Variants in PALS2 observed in about 807,000 individuals in gnomAD.
The protein encoded by PALS2 is protein PALS2.
PALS2 carries 27 observed loss-of-function variants against 61.6 expected under a neutral mutation model. The observed-to-expected ratio is 0.44, with a 90% CI of 0.32 to 0.60. The LOEUF (loss-of-function observed/expected upper bound fraction) is 0.60. Ranked by LOEUF, PALS2 falls within the 20% of genes least tolerant of loss-of-function variation. The pLI is 0.05. For synonymous variants in PALS2, 236 were observed against 218.6 expected (o/e 1.08, Z -0.70); for missense variants, 554 against 639.4 (o/e 0.87, Z 1.44).
At chr7:24,648,795 CT>C (rs1785980397) in intron 3 of PALS2, among the ~76,000 whole-genome samples, 3 of 151,196 alleles carry the variant, frequency 2.0e-5, no homozygotes, top group African/African-American at 7.3e-5. Context: ...GTCCCAGCTA[CT>C]TGGGAGGCTG....
chr7:24,644,750 T>C (rs1785744122), intron 3 of PALS2, among the ~76,000 whole-genome samples: 1 of 152,262 alleles, frequency 6.6e-6, no homozygotes, highest in South Asian at 2.1e-4. Context: ...TGAGCTAATA[T>C]ACATTCCCAC....
rs1787774260 is a variant in PALS2, at chr7:24,679,022, A to G, written c.1115-109A>G. ...AGCAGATCAGATCTGGTCATAGCCTACAGTTTGCTGCACCCAGTGGAAAAA... is the reference window on the plus strand; with the variant it reads ...AGCAGATCAGATCTGGTCATAGCCTGCAGTTTGCTGCACCCAGTGGAAAAA... On this transcript the variant is annotated intron_variant, in intron 9 of 11. Coordinates refer to ENST00000222644, the MANE Select transcript of PALS2 (RefSeq NM_001303037.2). 1.9e-5 allele frequency: 16 copies of G among 856,076 alleles called. 1 individual carries two copies. The South Asian group carries it at 2.6e-4, about 14-fold the overall frequency. 53.0% of individuals were successfully genotyped at this position (856,076 alleles called of 1,614,324 possible).
At chr7:24,656,895 G>A (rs1400744816) in intron 5 of PALS2, among the ~76,000 whole-genome samples, 2 of 151,976 alleles carry the variant, frequency 1.3e-5, no homozygotes, top group Non-Finnish European at 2.9e-5. Context: ...TACCACCCCT[G>A]ACTCCAGGCA....
intron 9 of PALS2, 81 bp downstream of exon 9, chr7:24,668,741 T>C (rs1583982465): frequency 1.4e-6 from 2 of 1,480,690 alleles, no homozygotes; most frequent in East Asian, 2.3e-5. Flanking sequence ...TTATTATCAT[T>C]AGTTATTGTT....
intron 1 of PALS2, chr7:24,620,167 A>G (rs1433143054): frequency 2.6e-5 from 4 of 152,232 alleles, no homozygotes; most frequent in Non-Finnish European, 1.5e-5. Context: ...GCTAAACAGC[A>G]GGAGAGATTT....
chr7:24,594,587 G>A (rs1783428288), intron 1 of PALS2, among the ~76,000 whole-genome samples: 1 of 151,980 alleles, frequency 6.6e-6, no homozygotes, highest in Admixed American at 6.6e-5. Context: ...TATGTCTCAG[G>A]GATTAAGGAG....
rs1452850072 is a variant in PALS2 at position 24,649,649 on chromosome 7, G to C, written c.308G>C (p.Cys103Ser). 6.2e-7 allele frequency: 1 copy of C among 1,611,506 alleles called. No homozygotes were observed. Among genetic ancestry groups the C allele is most frequent in the East Asian group, 2.2e-5 (1 of 44,648 alleles). The change falls in exon 4 of 12, where the codon TGT (cysteine) becomes TCT (serine). Residue 103 changes from cysteine (C) to serine (S), a missense_variant. Coordinates refer to ENST00000222644, the MANE Select transcript of PALS2 (RefSeq NM_001303037.2). ...GCCCATGATATTGTGGCATCAAAGT[G>C]TTATGATTCACCTCCATCAAGCCCA... is the stretch of plus-strand genomic sequence containing the variant. ...LEAHDIVASK[C>S]YDSPPSSPEM...
Position 24,650,651 on chromosome 7 carries a change from T to C in PALS2, c.590T>C (p.Ile197Thr), listed in dbSNP as rs935708647. Residue 197 changes from isoleucine (I) to threonine (T), a missense_variant, in exon 5 of 12, where the codon ATT becomes ACT. By Grantham distance (89) the Ile-to-Thr change is moderately conservative. Coordinates refer to ENST00000222644, the MANE Select transcript of PALS2 (RefSeq NM_001303037.2). Reference sequence around the variant, plus strand: ...GAATTACAAGAATTACTGAAAAATATTAGTGGAAGTGTCACCCTAAAAATC... The same window carrying C: ...GAATTACAAGAATTACTGAAAAATACTAGTGGAAGTGTCACCCTAAAAATC... ...PKELQELLKN[I>T]SGSVTLKILP... The C allele has an allele frequency of 1.9e-6, 3 of 1,612,034 alleles. No homozygotes were observed. The highest frequency in any genetic ancestry group is 1.7e-4 in the Middle Eastern group (1 of 6,058).
At chr7:24,636,549 G>T (rs563470073) in intron 2 of PALS2, among the ~76,000 whole-genome samples, 1 of 152,010 alleles carries the variant, frequency 6.6e-6, no homozygotes, top group African/African-American at 2.4e-5. Flanking sequence ...GCATCCCAAC[G>T]AAATAAATAT....
chr7:24,617,065 A>C (rs1784318811), intron 1 of PALS2, among the ~76,000 whole-genome samples: 1 of 152,074 alleles, frequency 6.6e-6, no homozygotes, highest in East Asian at 1.9e-4. Flanking sequence ...TTCACTTAAT[A>C]GTATTCTTTA....
At chr7:24,609,229 C>A (rs1784029202) in intron 1 of PALS2, among the ~76,000 whole-genome samples, 1 of 152,062 alleles carries the variant, frequency 6.6e-6, no homozygotes, top group African/African-American at 2.4e-5. Context: ...ATGAGGATTT[C>A]CTCTGTATTT....
rs144764953 is a variant in PALS2 at position 24,601,294 on chromosome 7, T to C, written c.-2-22372T>C. Among the ~76,000 whole-genome samples, 48 of 152,330 alleles carry C rather than the reference T, an allele frequency of 3.2e-4. 1 individual carries two copies. The East Asian group carries it at 9.2e-3, about 29-fold the overall frequency. ...TTGTAGTTGCTATTCTCTATTCCTG[T>C]ATTTTCATTTTCTCAGACTTCATTT... On this transcript the variant is annotated intron_variant, in intron 1 of 11. Coordinates refer to ENST00000222644, the MANE Select transcript of PALS2 (RefSeq NM_001303037.2).
Position 24,668,518 on chromosome 7 carries a change from C to G in PALS2, c.972C>G (p.Ile324Met). 1 of 1,612,340 alleles carries G rather than the reference C, an allele frequency of 6.2e-7. No individual in the cohort carries two copies. Among genetic ancestry groups the G allele is most frequent in the Non-Finnish European group, 8.5e-7 (1 of 1,179,268 alleles). Residue 324 changes from isoleucine to methionine, a missense_variant, in exon 9 of 12, where the codon ATC becomes ATG. Coordinates refer to ENST00000222644, the MANE Select transcript of PALS2 (RefSeq NM_001303037.2). ...TRNAEFDRHE[I>M]QIYEEVAKMP... ...ATTTAGAATTTGATCGTCATGAAAT[C>G]CAGATATATGAGGAGGTAGCCAAAA...
At chr7:24,597,784 A>G (rs913566245) in intron 1 of PALS2, among the ~76,000 whole-genome samples, 1 of 152,192 alleles carries the variant, frequency 6.6e-6, no homozygotes, top group Non-Finnish European at 1.5e-5. Context: ...TCAGTAAATC[A>G]TAGGTGATAA....
At chr7:24,657,992 T>TA (rs1786511813) in intron 5 of PALS2, among the ~76,000 whole-genome samples, 2 of 148,064 alleles carry the variant, frequency 1.4e-5, no homozygotes, top group African/African-American at 5.2e-5. Flanking sequence ...ACTTTGACAA[T>TA]AATTTCTTCA....
chr7:24,628,846 C>T (rs112025415), intron 2 of PALS2, among the ~76,000 whole-genome samples: 10 of 152,062 alleles, frequency 6.6e-5, no homozygotes, highest in African/African-American at 2.4e-4. Context: ...AATAAGGACA[C>T]AAACAAATGG....
chr7:24,598,393 A>G (rs927592127), intron 1 of PALS2, among the ~76,000 whole-genome samples: 1 of 152,216 alleles, frequency 6.6e-6, no homozygotes, highest in Non-Finnish European at 1.5e-5. Flanking sequence ...AGGGCTAACA[A>G]GGATATCCAG....
At chr7:24,655,695 GGCGTGATCTTGGCTCACTGCAGCA>G (rs1294882026) in intron 5 of PALS2, among the ~76,000 whole-genome samples, 8 of 140,456 alleles carry the variant, frequency 5.7e-5, no homozygotes, top group East Asian at 2.1e-4. Context: ...GGAGTGCAGT[GGCGTGATCTTGGCTCACTGCAGCA>G]GCGTGATCTT....
At chr7:24,665,866 A>G (rs752903138) in intron 7 of PALS2, among the ~76,000 whole-genome samples, 155 bp from the exon 8 acceptor site, 8 of 152,160 alleles carry the variant, frequency 5.3e-5, no homozygotes, top group Non-Finnish European at 1.2e-4. Context: ...CTGGTAGAGT[A>G]TCAAAATTCA....
Sources: allele counts gnomAD v4.1 joint callset (sites outside exome capture counted in the v4.1 genomes callset), GRCh38; gene constraint gnomAD v4.1.1; transcripts MANE v1.5; gene names NCBI Gene and HGNC (gene_info 2026-07-23, HGNC 2026-07-21).